MALRD1: variants seen among roughly 807,000 people sequenced by gnomAD.
The protein encoded by MALRD1 is MAM and LDL receptor class A domain containing 1.
In MALRD1, 247 loss-of-function variants were observed where a neutral mutation model predicts 242.1. The observed-to-expected ratio is 1.02, with a 90% CI of 0.92 to 1.13. The LOEUF is 1.13. Ranked by LOEUF, MALRD1 falls within the 50% of genes most tolerant of loss-of-function variation. The pLI, the probability that MALRD1 is intolerant of heterozygous loss-of-function variation, is 0.00. For missense variants in MALRD1, 2,989 were observed against 2,533.1 expected (o/e 1.18, Z -3.86); for synonymous variants, 995 against 866.6 (o/e 1.15, Z -2.60).
chr10:19,168,877 G>C (rs967220609), intron 13 of MALRD1, among the ~76,000 whole-genome samples: 6 of 152,058 alleles, frequency 3.9e-5, no homozygotes, highest in Non-Finnish European at 8.8e-5. Context: ...GAGAAGCTAA[G>C]ACTTTTCCTC....
At chr10:19,130,149 C>T (rs1002264243) in intron 8 of MALRD1, among the ~76,000 whole-genome samples, 6 of 151,914 alleles carry the variant, frequency 3.9e-5, no homozygotes, top group Non-Finnish European at 5.9e-5. Context: ...CATTTGGTAA[C>T]GTGTGGGGGG....
intron 38 of MALRD1, among the ~76,000 whole-genome samples, chr10:19,700,021 GACACACACACACACACAC>G (rs58040272): frequency 2.1e-5 from 3 of 141,272 alleles, no homozygotes; most frequent in East Asian, 2.1e-4. Context: ...AATTGATTTA[GACACACACACACACACAC>G]ACACACACAC....
chr10:19,290,969 T>C (rs1841392928), intron 21 of MALRD1, among the ~76,000 whole-genome samples: 2 of 152,166 alleles, frequency 1.3e-5, no homozygotes, highest in South Asian at 4.1e-4. Flanking sequence ...CTATAGTATG[T>C]AAACTGGCTC....
chr10:19,573,170 G>C (rs1836645919), intron 33 of MALRD1, among the ~76,000 whole-genome samples: 3 of 152,344 alleles, frequency 2.0e-5, no homozygotes, highest in African/African-American at 7.2e-5. Flanking sequence ...ACAGTGGGCA[G>C]ATGACATGGA....
chr10:19,208,397 C>G (rs1185530796), intron 17 of MALRD1, among the ~76,000 whole-genome samples: 1 of 152,030 alleles, frequency 6.6e-6, no homozygotes. Flanking sequence ...AGGGATGAGG[C>G]AGTCATTTTA....
chr10:19,238,491 A>AATGTATATTATATATT (rs1564492689), intron 18 of MALRD1, among the ~76,000 whole-genome samples: 93 of 8,042 alleles, frequency 0.012, 11 homozygotes, highest in Non-Finnish European at 0.015. Flanking sequence ...CATTATATAT[A>AATGTATATTATATATT]ATATATAATA....
intron 10 of MALRD1, among the ~76,000 whole-genome samples, chr10:19,144,703 G>A (rs1833670810): frequency 6.6e-6 from 1 of 152,170 alleles, no homozygotes; most frequent in South Asian, 2.1e-4. Flanking sequence ...TTCGGAATAT[G>A]AGCTTTTGGT....
At chr10:19,489,122 C>T (rs767302934) in intron 29 of MALRD1, 67 of 465,302 alleles carry the variant, frequency 1.4e-4, no homozygotes, top group African/African-American at 1.2e-3. Context: ...GTCAGCTCTG[C>T]TGAAGGGGCC....
chr10:19,105,087 G>A (rs940413673), intron 5 of MALRD1, among the ~76,000 whole-genome samples: 1 of 151,464 alleles, frequency 6.6e-6, no homozygotes, highest in African/African-American at 2.4e-5. Flanking sequence ...TAACTATACT[G>A]TGTAATAGAA....
At chr10:19,506,736 CT>C (rs1428250756) in intron 31 of MALRD1, among the ~76,000 whole-genome samples, 1 of 152,000 alleles carries the variant, frequency 6.6e-6, no homozygotes, top group African/African-American at 2.4e-5. Context: ...AAGTCATTAT[CT>C]GATAAAAATA....
intron 32 of MALRD1, among the ~76,000 whole-genome samples, chr10:19,544,721 T>G (rs1258796225): frequency 6.6e-6 from 1 of 152,144 alleles, no homozygotes; most frequent in Non-Finnish European, 1.5e-5. Flanking sequence ...TATGACTTAT[T>G]AAAATTGTCT....
At chr10:19,063,202 T>C (rs1163843151) in intron 1 of MALRD1, among the ~76,000 whole-genome samples, 1 of 151,806 alleles carries the variant, frequency 6.6e-6, no homozygotes, top group African/African-American at 2.4e-5. Context: ...GAAACAAGGG[T>C]AGGACTCTGA....
chr10:19,610,353 G>T (rs531822676), intron 35 of MALRD1, among the ~76,000 whole-genome samples: 2 of 151,780 alleles, frequency 1.3e-5, no homozygotes, highest in Non-Finnish European at 2.9e-5. Context: ...GTACCCATTG[G>T]CCAACCTCTG....
intron 36 of MALRD1, among the ~76,000 whole-genome samples, chr10:19,639,791 AAC>A (rs1355085921): frequency 6.6e-6 from 1 of 152,212 alleles, no homozygotes; most frequent in African/African-American, 2.4e-5. Context: ...GAATGTTTTT[AAC>A]ACAACAGGGC....
chr10:19,521,095 T>C (rs1833860751), intron 31 of MALRD1, among the ~76,000 whole-genome samples: 1 of 152,150 alleles, frequency 6.6e-6, no homozygotes, highest in African/African-American at 2.4e-5. Context: ...AATCAGTTCA[T>C]TTGGAATCTT....
At chr10:19,302,369 A>G (rs1306605154) in intron 21 of MALRD1, among the ~76,000 whole-genome samples, 3 of 151,822 alleles carry the variant, frequency 2.0e-5, no homozygotes, top group Non-Finnish European at 4.4e-5. Context: ...TAATAGATAA[A>G]ATGTGGCCAC....
At chr10:19,140,286 A>G (rs1379968650) in intron 10 of MALRD1, among the ~76,000 whole-genome samples, 1 of 152,160 alleles carries the variant, frequency 6.6e-6, no homozygotes, top group African/African-American at 2.4e-5. Context: ...CATATGCTGT[A>G]GTGGTTAAAT....
In MALRD1 at chr10:19,379,237, T is replaced by G. The variant is rs529350595; in HGVS notation, c.4442-8291T>G. On this transcript the variant is annotated intron_variant, in intron 26 of 39. Transcript: ENST00000454679. ...TGATGTTTTATCAGTTTTACTGATA[T>G]GTGCAACTAAACAGCTTTTGGTTGA... Among the ~76,000 whole-genome samples, 7 of 152,292 alleles carry G rather than the reference T, an allele frequency of 4.6e-5. No homozygotes were observed. The South Asian group carries it at 1.5e-3, about 32-fold the overall frequency.
chr10:19,670,904 A>G (rs925914051), intron 36 of MALRD1, among the ~76,000 whole-genome samples: 4 of 138,520 alleles, frequency 2.9e-5, no homozygotes, highest in Non-Finnish European at 6.1e-5. Flanking sequence ...TTTGAGATGG[A>G]GTCTTGCTCT....
Sources: allele counts gnomAD v4.1 joint callset (sites outside exome capture counted in the v4.1 genomes callset), GRCh38; gene constraint gnomAD v4.1.1; transcripts MANE v1.5; gene names NCBI Gene and HGNC (gene_info 2026-07-23, HGNC 2026-07-21).